The following PTPRA variants were observed in gnomAD, a reference collection of about 807,000 sequenced individuals.
PTPRA encodes protein tyrosine phosphatase receptor type A.
Under a neutral mutation model 104.8 loss-of-function variants are expected in PTPRA, and 25 were observed. The ratio of observed to expected loss-of-function variants is 0.24; its 90% CI spans 0.17 to 0.33. The LOEUF (loss-of-function observed/expected upper bound fraction) is 0.33. PTPRA is among the 10% of genes least tolerant of loss of function. The pLI, the probability that PTPRA is intolerant of heterozygous loss-of-function variation, is 1.00. For synonymous variants in PTPRA, 323 were observed against 368.9 expected (o/e 0.88, Z 1.43); for missense variants, 765 against 1,015.3 (o/e 0.75, Z 3.35).
rs773074761 is a variant in PTPRA, at chr20:3,022,203, C to T, written c.1311C>T (p.Ala437=). 9.3e-6 allele frequency: 15 copies of T among 1,614,046 alleles called. No individual in the cohort carries two copies. The highest frequency in any genetic ancestry group is 3.3e-5 in the Admixed American group (2 of 59,996). The stretch of plus-strand genomic sequence containing the variant: ...CCTGTAACCCTCAGTATGCAGGGGC[C>T]ATCGTGGTCCACTGCAGGTCAGTGT... The part of the protein sequence containing the change: ...VKACNPQYAG[A]IVVHCSAGVG... The change falls in exon 15 of 24, where the codon GCC becomes GCT. Residue 437 remains alanine (A), a synonymous_variant. Coordinates refer to ENST00000399903, the MANE Select transcript of PTPRA (RefSeq NM_001385305.1). This position sits in a 1 kb window ranked among gnomAD's most constrained non-coding sequence, Gnocchi z 4.6.
intron 1 of PTPRA, among the ~76,000 whole-genome samples, chr20:2,894,350 A>G (rs1057191694): frequency 1.1e-4 from 17 of 152,222 alleles, no homozygotes; most frequent in African/African-American, 3.9e-4. Flanking sequence ...TAAGTGAGTC[A>G]GGGGTTCCAA....
At chr20:2,913,732 T>G (rs777805246) in intron 1 of PTPRA, among the ~76,000 whole-genome samples, 2 of 152,226 alleles carry the variant, frequency 1.3e-5, no homozygotes, top group African/African-American at 2.4e-5. Flanking sequence ...TTAACCTTGG[T>G]CACTTGATTA....
chr20:3,006,228 A>G (rs1000480564), intron 10 of PTPRA, among the ~76,000 whole-genome samples: 2 of 152,116 alleles, frequency 1.3e-5, no homozygotes, highest in Non-Finnish European at 1.5e-5. Context: ...AGACAGGGCC[A>G]CCCAAGCTGG....
chr20:3,009,912 G>A (rs750489913), intron 11 of PTPRA, among the ~76,000 whole-genome samples: 19 of 151,776 alleles, frequency 1.3e-4, no homozygotes, highest in Admixed American at 5.9e-4. Context: ...GCACTGGTAC[G>A]ATCTTGGCTT....
intron 1 of PTPRA, among the ~76,000 whole-genome samples, chr20:2,919,917 G>A (rs919613816): frequency 2.8e-4 from 43 of 152,272 alleles, no homozygotes; most frequent in Admixed American, 1.8e-3. Context: ...ATTTTGTAAC[G>A]TGGAAATTAT....
At chr20:2,931,719 TG>T (rs2060511617) in intron 2 of PTPRA, among the ~76,000 whole-genome samples, 1 of 654 alleles carries the variant, frequency 1.5e-3, no homozygotes, top group Non-Finnish European at 4.6e-3. Flanking sequence ...GGTCTTGGCT[TG>T]TGTGTGTGTG....
At chr20:2,971,012 T>C (rs1418635766) in intron 5 of PTPRA, among the ~76,000 whole-genome samples, 1 of 152,232 alleles carries the variant, frequency 6.6e-6, no homozygotes, top group Non-Finnish European at 1.5e-5. Flanking sequence ...TTTGAGTATT[T>C]GGGAACATTC....
intron 3 of PTPRA, among the ~76,000 whole-genome samples, chr20:2,949,020 T>C (rs1320726362): frequency 6.6e-6 from 1 of 152,078 alleles, no homozygotes; most frequent in Non-Finnish European, 1.5e-5. Context: ...TTGCCTGTGA[T>C]CTTGCTGCAT....
At chr20:2,949,715 G>A (rs982601195) in intron 3 of PTPRA, among the ~76,000 whole-genome samples, 11 of 146,496 alleles carry the variant, frequency 7.5e-5, no homozygotes, top group East Asian at 3.9e-4. Context: ...AGATAATTGC[G>A]TATTGTTTTT....
chr20:2,989,851 A>G (rs967472241), intron 9 of PTPRA, among the ~76,000 whole-genome samples: 4 of 152,066 alleles, frequency 2.6e-5, no homozygotes, highest in African/African-American at 4.8e-5. Flanking sequence ...CCCTGTCTCT[A>G]CTAAAAATAC....
chr20:2,974,682 G>A (rs948553027), intron 5 of PTPRA, among the ~76,000 whole-genome samples: 1 of 152,082 alleles, frequency 6.6e-6, no homozygotes, highest in Non-Finnish European at 1.5e-5. Flanking sequence ...CACTGCACCC[G>A]GCCTCATTTT....
At chr20:2,966,034 A>T (rs995451262) in intron 5 of PTPRA, among the ~76,000 whole-genome samples, 10 of 152,204 alleles carry the variant, frequency 6.6e-5, no homozygotes, top group Non-Finnish European at 1.2e-4. Context: ...TCCCAGTTAG[A>T]TGGTGAGTGC....
At chr20:2,934,709 G>C (rs960941758) in intron 2 of PTPRA, among the ~76,000 whole-genome samples, 86 of 120,994 alleles carry the variant, frequency 7.1e-4, no homozygotes, top group African/African-American at 2.7e-3. Flanking sequence ...GTCTCGCTCT[G>C]TCACCAGGCT....
At chr20:2,951,037 T>A (rs1054101183) in intron 3 of PTPRA, among the ~76,000 whole-genome samples, 2 of 152,206 alleles carry the variant, frequency 1.3e-5, no homozygotes, top group African/African-American at 4.8e-5. Context: ...TTCTAGAGTT[T>A]TATACAAGTG....
chr20:3,016,817 A>G (rs984796268), intron 12 of PTPRA, among the ~76,000 whole-genome samples: 2 of 152,208 alleles, frequency 1.3e-5, no homozygotes, highest in South Asian at 2.1e-4. Context: ...TTTTTAGTCT[A>G]ATGCCCCTGG....
chr20:3,007,224 A>T (rs1568692799), intron 10 of PTPRA, 120 bp from the exon 11 acceptor site: 1 of 904,680 alleles, frequency 1.1e-6, no homozygotes, highest in African/African-American at 1.7e-5. Context: ...TTGGAGTGGC[A>T]TCTTTATACA....
At chr20:2,960,840 T>A (rs1308953448) in intron 3 of PTPRA, among the ~76,000 whole-genome samples, 1 of 152,060 alleles carries the variant, frequency 6.6e-6, no homozygotes, top group Non-Finnish European at 1.5e-5. Context: ...CCTGGCCTTT[T>A]TTATTTTCTT....
chr20:2,877,503 C>G (rs2089798026), intron 1 of PTPRA, among the ~76,000 whole-genome samples: 1 of 152,184 alleles, frequency 6.6e-6, no homozygotes, highest in Admixed American at 6.5e-5. Flanking sequence ...AGGTGATCCG[C>G]TGGTCTTGGC....
chr20:2,971,631 A>G (rs915351789), intron 5 of PTPRA, among the ~76,000 whole-genome samples: 1 of 152,226 alleles, frequency 6.6e-6, no homozygotes, highest in Non-Finnish European at 1.5e-5. Flanking sequence ...GACACTAAGG[A>G]GGACACTTTC....
Sources: gnomAD v4.1 joint callset for allele counts (sites outside exome capture counted in the v4.1 genomes callset) on GRCh38, gnomAD v4.1.1 for gene constraint, Gnocchi (gnomAD v3.1) non-coding constraint, MANE v1.5 for transcripts, NCBI Gene and HGNC (gene_info 2026-07-23, HGNC 2026-07-21) for gene names.